Variants in NGEF observed in about 807,000 individuals in gnomAD.
NGEF encodes neuronal guanine nucleotide exchange factor.
A neutral mutation model predicts 80.9 loss-of-function variants in NGEF; 31 were observed. The ratio of observed to expected loss-of-function variants is 0.38; its 90% CI spans 0.29 to 0.52. NGEF has a LOEUF of 0.52. Ranked by LOEUF, NGEF falls within the 20% of genes least tolerant of loss-of-function variation. NGEF has a pLI of 0.84. For synonymous variants in NGEF, 371 were observed against 370.2 expected (o/e 1.00, Z -0.03); for missense variants, 709 against 926.2 (o/e 0.77, Z 3.04).
chr2:232,901,984 G>A (rs1353686881), intron 5 of NGEF, among the ~76,000 whole-genome samples: 2 of 152,206 alleles, frequency 1.3e-5, no homozygotes, highest in African/African-American at 4.8e-5. Flanking sequence ...AGTGGCTGGG[G>A]TGTGTGTGGT....
chr2:232,971,568 C>T (rs1694185144), intron 2 of NGEF, among the ~76,000 whole-genome samples: 1 of 152,024 alleles, frequency 6.6e-6, no homozygotes, highest in African/African-American at 2.4e-5. Flanking sequence ...ACCTGTGGTC[C>T]CGGTTACTTG....
intron 1 of NGEF, among the ~76,000 whole-genome samples, chr2:232,975,713 C>G (rs557054003): frequency 3.9e-5 from 6 of 152,106 alleles, no homozygotes; most frequent in Non-Finnish European, 8.8e-5. Context: ...CTATGTGGAC[C>G]CTCTTAGTGG....
At chr2:232,929,197 C>A (rs1016007434) in intron 3 of NGEF, among the ~76,000 whole-genome samples, 1 of 152,242 alleles carries the variant, frequency 6.6e-6, no homozygotes, top group Admixed American at 6.5e-5. Context: ...GTCCCCCGCA[C>A]GCTCCAACCC....
intron 4 of NGEF, among the ~76,000 whole-genome samples, chr2:232,921,795 A>G (rs1354773751): frequency 6.6e-6 from 1 of 152,144 alleles, no homozygotes; most frequent in Non-Finnish European, 1.5e-5. Context: ...GCATTTGACA[A>G]GCATAGACTG....
At chr2:232,972,136 T>C (rs1466099403) in intron 2 of NGEF, among the ~76,000 whole-genome samples, 1 of 152,216 alleles carries the variant, frequency 6.6e-6, no homozygotes, top group Non-Finnish European at 1.5e-5. Context: ...TTGGATCAAT[T>C]TGGGTATGTA....
chr2:232,933,575 C>T (rs1210762985), intron 3 of NGEF, among the ~76,000 whole-genome samples: 3 of 152,212 alleles, frequency 2.0e-5, no homozygotes, highest in African/African-American at 7.2e-5. Context: ...GGTTGGAATC[C>T]CATCCCTCTG....
At chr2:232,964,872 G>T (rs564384198) in intron 3 of NGEF, among the ~76,000 whole-genome samples, 153 of 152,336 alleles carry the variant, frequency 1.0e-3, no homozygotes, top group Middle Eastern at 3.4e-3. Context: ...GGTTACGTCT[G>T]AGAGTTGGAT....
intron 1 of NGEF, among the ~76,000 whole-genome samples, chr2:233,005,990 T>C (rs554614779): frequency 2.6e-5 from 4 of 152,184 alleles, no homozygotes; most frequent in Non-Finnish European, 4.4e-5. Flanking sequence ...CTAATTTTTG[T>C]ATTTTTTGTA....
intron 3 of NGEF, among the ~76,000 whole-genome samples, chr2:232,953,849 G>A (rs1465389950): frequency 1.3e-5 from 2 of 152,148 alleles, no homozygotes; most frequent in Admixed American, 1.3e-4. Context: ...GTGGCTAAAT[G>A]TCTCCTTGAG....
At chr2:232,974,038 G>A (rs1157965248) in intron 2 of NGEF, among the ~76,000 whole-genome samples, 2 of 152,132 alleles carry the variant, frequency 1.3e-5, no homozygotes, top group Admixed American at 6.5e-5. Flanking sequence ...ACAGGAGCAC[G>A]TCACAAGGAA....
intron 5 of NGEF, among the ~76,000 whole-genome samples, chr2:232,913,598 A>G (rs1379172478): frequency 2.0e-5 from 3 of 152,226 alleles, no homozygotes; most frequent in Non-Finnish European, 4.4e-5. Flanking sequence ...ATTTATATAT[A>G]CAGACTCTTC....
At chr2:232,896,442 C>T (rs1375340510) in intron 5 of NGEF, among the ~76,000 whole-genome samples, 1 of 151,650 alleles carries the variant, frequency 6.6e-6, no homozygotes, top group African/African-American at 2.4e-5. Context: ...ATCCTGTGAT[C>T]CTCTGCCACC....
chr2:232,920,251 G>A lies in NGEF; in HGVS notation c.828+33C>T, dbSNP rs1692909269. 3.1e-6 allele frequency: 5 copies of A among 1,589,276 alleles called. No individual in the cohort carries two copies. The East Asian group carries it at 6.7e-5, about 21-fold the overall frequency. ...GCAGTGAGGGCCACCCCGGTGTGCT[G>A]TGGGGGAGCCCCCGCCCCTCGGCGC... is the stretch of plus-strand genomic sequence containing the variant. On this transcript the variant is annotated intron_variant, in intron 5 of 14. Coordinates refer to ENST00000264051, the MANE Select transcript of NGEF (RefSeq NM_019850.3).
intron 1 of NGEF, among the ~76,000 whole-genome samples, chr2:232,978,498 G>A (rs1456900089): frequency 6.6e-6 from 1 of 152,202 alleles, no homozygotes; most frequent in Non-Finnish European, 1.5e-5. Flanking sequence ...CTGGGCGACA[G>A]AGCGAGACTC....
chr2:232,944,050 T>C (rs1293425917), intron 3 of NGEF, among the ~76,000 whole-genome samples: 3 of 151,492 alleles, frequency 2.0e-5, no homozygotes, highest in African/African-American at 7.3e-5. Flanking sequence ...CTGGCCAACA[T>C]GGTGAAACCC....
At chr2:232,968,453 T>A (rs1489262480) in intron 3 of NGEF, among the ~76,000 whole-genome samples, 1 of 151,644 alleles carries the variant, frequency 6.6e-6, no homozygotes, top group East Asian at 1.9e-4. Flanking sequence ...TTGCGCAGGC[T>A]GGAGGGCAAT....
At chr2:232,893,791 G>T (rs1474794382) in intron 6 of NGEF, among the ~76,000 whole-genome samples, 2 of 152,134 alleles carry the variant, frequency 1.3e-5, no homozygotes, top group African/African-American at 4.8e-5. Flanking sequence ...AAATAAAAAA[G>T]AAGTGCCGCA....
At chr2:232,907,691 A>T (rs1692599561) in intron 5 of NGEF, among the ~76,000 whole-genome samples, 1 of 4,982 alleles carries the variant, frequency 2.0e-4, no homozygotes, top group South Asian at 2.6e-3. Context: ...AAAGAAAGTA[A>T]AAAAAAAATC....
At chr2:232,921,923 T>G (rs1692953703) in intron 4 of NGEF, among the ~76,000 whole-genome samples, 1 of 152,048 alleles carries the variant, frequency 6.6e-6, no homozygotes, top group Admixed American at 6.5e-5. Flanking sequence ...TAGAATAACA[T>G]TCAGGTGACC....
Sources: allele counts gnomAD v4.1 joint callset (sites outside exome capture counted in the v4.1 genomes callset), GRCh38; gene constraint gnomAD v4.1.1; transcripts MANE v1.5; gene names NCBI Gene and HGNC (gene_info 2026-07-23, HGNC 2026-07-21).